Variants in CPQ observed in about 807,000 individuals in gnomAD.
CPQ encodes the protein Ser-Met dipeptidase.
A neutral mutation model predicts 45.7 loss-of-function variants in CPQ; 37 were observed. That is an observed-to-expected ratio of 0.81 (90% CI 0.62 to 1.07). The LOEUF (loss-of-function observed/expected upper bound fraction) is 1.07, where lower values mean the gene tolerates loss of function less well. Ranked by LOEUF, CPQ falls within the 50% of genes least tolerant of loss-of-function variation. The pLI is 0.00. For missense variants in CPQ, 537 were observed against 572.9 expected, an observed-to-expected ratio of 0.94 and a Z score of 0.64; for synonymous variants, 186 against 205.8, an observed-to-expected ratio of 0.90 and a Z score of 0.82.
At chr8:97,027,200 A>G (rs767994776) in intron 5 of CPQ, among the ~76,000 whole-genome samples, 10 of 152,146 alleles carry the variant, frequency 6.6e-5, no homozygotes, top group Non-Finnish European at 1.3e-4. Flanking sequence ...ATCTTTGGCA[A>G]TCCTGATTAG....
chr8:96,789,757 G>A lies in CPQ; in HGVS notation c.433+4427G>A, dbSNP rs148534025. The stretch of plus-strand genomic sequence containing the variant: ...GTGGCTTAATAGTATTTTCTCCAGG[G>A]TCAGAATAGCTTATTTTTTAGCCAG... On this transcript the variant is annotated intron_variant, in intron 2 of 7. Coordinates refer to ENST00000220763, the MANE Select transcript of CPQ (RefSeq NM_016134.4). Among the ~76,000 whole-genome samples, 276 of 152,286 alleles carry A rather than the reference G, an allele frequency of 1.8e-3. 2 individuals carry two copies. The highest frequency in any genetic ancestry group is 6.4e-3 in the African/African-American group (268 of 41,572).
intron 5 of CPQ, among the ~76,000 whole-genome samples, chr8:96,993,785 A>G (rs189469749): frequency 6.2e-4 from 94 of 152,276 alleles, no homozygotes; most frequent in African/African-American, 2.2e-3. Flanking sequence ...CAGGTATCAT[A>G]ATTATGTATT....
intron 6 of CPQ, 111 bp downstream of exon 6, chr8:97,029,605 A>G: frequency 1.1e-6 from 1 of 942,510 alleles, no homozygotes. Flanking sequence ...GGCCCTAGGA[A>G]ACACCCTTGT....
At chr8:96,994,069 A>G (rs903240213) in intron 5 of CPQ, among the ~76,000 whole-genome samples, 2 of 152,100 alleles carry the variant, frequency 1.3e-5, no homozygotes, top group African/African-American at 2.4e-5. Flanking sequence ...CCTTGGAGCT[A>G]TATGTTGAAA....
intron 6 of CPQ, among the ~76,000 whole-genome samples, chr8:97,048,716 A>C (rs1055662554): frequency 6.6e-6 from 1 of 152,230 alleles, no homozygotes; most frequent in Non-Finnish European, 1.5e-5. Context: ...TAAGCTGCCA[A>C]AGCCTAATAC....
intron 7 of CPQ, among the ~76,000 whole-genome samples, chr8:97,073,979 C>T (rs1196222415): frequency 1.3e-5 from 2 of 152,170 alleles, no homozygotes; most frequent in African/African-American, 4.8e-5. Flanking sequence ...TTCCCTCTTG[C>T]AGTAGATCTG....
chr8:96,739,082 G>A (rs1468274229), intron 1 of CPQ, among the ~76,000 whole-genome samples: 1 of 150,526 alleles, frequency 6.6e-6, no homozygotes, highest in Non-Finnish European at 1.5e-5. Flanking sequence ...CACCAACAGT[G>A]TAAAAGTGTT....
At chr8:97,045,306 A>G (rs1810225567) in intron 6 of CPQ, among the ~76,000 whole-genome samples, 1 of 152,124 alleles carries the variant, frequency 6.6e-6, no homozygotes, top group Non-Finnish European at 1.5e-5. Flanking sequence ...GCGGGATATA[A>G]TCTCCTGGTG....
At position 96,965,925 on chromosome 8, in the gene CPQ, T is replaced by C. The variant is rs753102394; in HGVS notation, c.850-10T>C. ...AGTTTTATTTTTTAACTTTTTATTA[T>C]TTGTTCTAGGTTGTACTGGTCAGTG... On this transcript the variant is annotated splice_polypyrimidine_tract_variant and intron_variant, in intron 4 of 7. Transcript: ENST00000220763. The C allele has an allele frequency of 8.6e-6, 13 of 1,517,606 alleles. No homozygotes were observed. The highest frequency in any genetic ancestry group is 1.8e-6 in the Non-Finnish European group (2 of 1,132,160). The allele number at this position is 1,517,606 out of a possible 1,614,324, so 94.0% of individuals were successfully genotyped here. A position where few individuals can be genotyped will look rare whatever the true frequency, so the allele number is the denominator to read the frequency against.
At chr8:96,743,347 C>T in intron 1 of CPQ, among the ~76,000 whole-genome samples, 1 of 151,262 alleles carries the variant, frequency 6.6e-6, no homozygotes, top group Non-Finnish European at 1.5e-5. Flanking sequence ...AAGCACTTCT[C>T]TGTATTGGTT....
chr8:96,913,425 A>T (rs769562464), intron 4 of CPQ, among the ~76,000 whole-genome samples: 1 of 152,218 alleles, frequency 6.6e-6, no homozygotes, highest in African/African-American at 2.4e-5. Flanking sequence ...GGTTGTGGGT[A>T]AATTAATTCT....
chr8:96,991,594 TAATAATAATG>T (rs1238117129), intron 5 of CPQ, among the ~76,000 whole-genome samples: 4 of 145,954 alleles, frequency 2.7e-5, no homozygotes, highest in Non-Finnish European at 4.5e-5. Context: ...ATAATAATAA[TAATAATAATG>T]CTTTCCCTAC....
At chr8:96,646,099 C>A (rs1815517122) in intron 1 of CPQ, among the ~76,000 whole-genome samples, 1 of 150,798 alleles carries the variant, frequency 6.6e-6, no homozygotes, top group Non-Finnish European at 1.5e-5. Context: ...AGTGGAGACG[C>A]AGGCTTACAA....
chr8:97,037,234 G>A (rs1464579160), intron 6 of CPQ, among the ~76,000 whole-genome samples: 2 of 152,064 alleles, frequency 1.3e-5, no homozygotes, highest in African/African-American at 4.8e-5. Context: ...AGACTTCTTC[G>A]TGCTATCTGG....
intron 4 of CPQ, among the ~76,000 whole-genome samples, chr8:96,923,104 G>A (rs546924564): frequency 1.1e-4 from 16 of 152,290 alleles, no homozygotes; most frequent in South Asian, 2.1e-4. Context: ...TAGAGGAGTC[G>A]TAAGAGTTGC....
chr8:96,862,630 A>C (rs995262516), intron 3 of CPQ, among the ~76,000 whole-genome samples: 3 of 152,070 alleles, frequency 2.0e-5, no homozygotes, highest in Non-Finnish European at 4.4e-5. Flanking sequence ...TAGAGCTACG[A>C]CATAAAGGAT....
intron 6 of CPQ, among the ~76,000 whole-genome samples, chr8:97,044,769 G>A (rs1251812684): frequency 6.6e-6 from 1 of 152,160 alleles, no homozygotes; most frequent in Non-Finnish European, 1.5e-5. Context: ...TGTTTGCCTG[G>A]GTATCAGCAG....
chr8:97,022,974 T>TACAAAAACATATATATATATAA (rs1426178520), intron 5 of CPQ, among the ~76,000 whole-genome samples: 1 of 147,154 alleles, frequency 6.8e-6, no homozygotes, highest in Non-Finnish European at 1.5e-5. Context: ...CATATATATA[T>TACAAAAACATATATATATATAA]ACTGTATATA....
intron 7 of CPQ, among the ~76,000 whole-genome samples, chr8:97,067,717 CCTTTGTT>C (rs1810663625): frequency 1.3e-5 from 2 of 152,250 alleles, no homozygotes; most frequent in East Asian, 1.9e-4. Flanking sequence ...AAATTATTTT[CCTTTGTT>C]CTTTGTTCTG....
Sources: allele counts gnomAD v4.1 joint callset (sites outside exome capture counted in the v4.1 genomes callset), GRCh38; gene constraint gnomAD v4.1.1; transcripts MANE v1.5; gene names NCBI Gene and HGNC (gene_info 2026-07-23, HGNC 2026-07-21).